The following TRAF5 variants were observed in gnomAD, a reference collection of about 807,000 sequenced individuals.
The protein encoded by TRAF5 is TNF receptor-associated factor 5.
TRAF5 carries 48 observed loss-of-function variants against 64.5 expected under a neutral mutation model. The ratio of observed to expected loss-of-function variants is 0.74; its 90% CI spans 0.59 to 0.95. The LOEUF is 0.95. Among genes scored for constraint, TRAF5 ranks in the 40% least tolerant of loss-of-function variants. The probability of loss-of-function intolerance (pLI) is 0.00; values close to 1 mark genes in which losing one functional copy is unlikely to be tolerated. For synonymous variants in TRAF5, 206 were observed against 240.5 expected, an observed-to-expected ratio of 0.86 and a Z score of 1.33; for missense variants, 545 against 662.8, an observed-to-expected ratio of 0.82 and a Z score of 1.95.
At chr1:211,365,727 G>A (rs1013270577) in intron 8 of TRAF5, among the ~76,000 whole-genome samples, 8 of 152,120 alleles carry the variant, frequency 5.3e-5, no homozygotes, top group African/African-American at 7.2e-5. Context: ...TGTTTTAATC[G>A]TAAGTAGCAT....
At chr1:211,345,295 A>G (rs190992144) in intron 1 of TRAF5, among the ~76,000 whole-genome samples, 2 of 152,108 alleles carry the variant, frequency 1.3e-5, no homozygotes, top group Non-Finnish European at 1.5e-5. Context: ...AGCTCAAGCA[A>G]TCTTCCTGCC....
At chr1:211,342,238 A>G (rs1190867655) in intron 1 of TRAF5, among the ~76,000 whole-genome samples, 1 of 152,220 alleles carries the variant, frequency 6.6e-6, no homozygotes, top group Non-Finnish European at 1.5e-5. Flanking sequence ...TGATGTATAT[A>G]GTATTGACGT....
Position 211,372,267 on chromosome 1 carries a change from C to G in TRAF5, c.1239C>G (p.Tyr413Ter). 2 of 1,614,096 alleles carry G rather than the reference C, an allele frequency of 1.2e-6. No individual in the cohort carries two copies. The highest frequency in any genetic ancestry group is 1.7e-6 in the Non-Finnish European group (2 of 1,180,026). Residue 413 changes from tyrosine to a stop codon, truncating the protein, a stop_gained, in exon 11 of 11, where the codon TAC becomes TAG. Transcript: ENST00000261464. LOFTEE classifies it high-confidence loss of function. ...NGKLIWKVTD[Y>*]KMKKREAVDG... ...AGCTCATTTGGAAGGTGACAGATTA[C>G]AAGATGAAGAAGAGAGAGGCGGTGG...
chr1:211,350,061 G>A (rs796676935), intron 1 of TRAF5, among the ~76,000 whole-genome samples: 2 of 152,224 alleles, frequency 1.3e-5, no homozygotes, highest in Admixed American at 6.5e-5. Context: ...TTCATCTTCA[G>A]AATTAAAACT....
intron 8 of TRAF5, 115 bp downstream of exon 8, chr1:211,365,583 G>C: frequency 1.2e-6 from 1 of 825,622 alleles, no homozygotes; most frequent in Non-Finnish European, 1.8e-6. Flanking sequence ...ATTAGAGGTA[G>C]ATGTTTTTCT....
intron 1 of TRAF5, among the ~76,000 whole-genome samples, chr1:211,337,363 A>G (rs147551983): frequency 1.2e-4 from 19 of 152,296 alleles, no homozygotes; most frequent in African/African-American, 4.6e-4. Context: ...CTGCTGTTCA[A>G]GAAGACGCAA....
At chr1:211,340,281 CTTGTTT>C (rs1029737958) in intron 1 of TRAF5, among the ~76,000 whole-genome samples, 9 of 152,160 alleles carry the variant, frequency 5.9e-5, no homozygotes, top group South Asian at 2.1e-4. Flanking sequence ...GCTCTTTGTA[CTTGTTT>C]TTGTTTTTGT....
rs555705916 is a variant in TRAF5, at chr1:211,372,061, T to C, written c.1100-67T>C. The C allele has an allele frequency of 6.4e-6, 9 of 1,407,436 alleles. No individual in the cohort carries two copies. The Admixed American group carries it at 1.6e-4, about 26-fold the overall frequency. 87.2% of individuals were successfully genotyped at this position (1,407,436 alleles called of 1,614,324 possible). ...CTCTTTCAGGTAACAAAATTCCACT[T>C]TGGGAAAATTTTAAAGATAACTTTT... On this transcript the variant is annotated intron_variant, in intron 10 of 10. Transcript: ENST00000261464.
upstream of TRAF5, chr1:211,326,825 C>T: frequency 2.0e-6 from 2 of 984,520 alleles, no homozygotes; most frequent in East Asian, 1.1e-4. The surrounding 1 kb of genome is among the most constrained non-coding windows in gnomAD (Gnocchi z 5.0). Context: ...CCGCCGCCGG[C>T]CGCAGCCAGG....
At chr1:211,350,441 C>T (rs1349795844) in intron 1 of TRAF5, among the ~76,000 whole-genome samples, 5 of 152,020 alleles carry the variant, frequency 3.3e-5, no homozygotes, top group African/African-American at 7.2e-5. Flanking sequence ...GGCTGGAGTA[C>T]GGAAAGCCAG....
chr1:211,336,773 C>T (rs1027814301), intron 1 of TRAF5, among the ~76,000 whole-genome samples: 1 of 152,224 alleles, frequency 6.6e-6, no homozygotes, highest in Non-Finnish European at 1.5e-5. Flanking sequence ...GATTCTTATG[C>T]CTCAGCCTCC....
rs543464373 is a variant in TRAF5 at position 211,333,566 on chromosome 1, C to T, written c.-2+6677C>T. Among the ~76,000 whole-genome samples, 13 of 152,118 alleles carry T rather than the reference C, an allele frequency of 8.5e-5. No homozygotes were observed. In the South Asian group the frequency reaches 1.5e-3, roughly 17 times the overall value. The stretch of plus-strand genomic sequence containing the variant: ...AGGCTGGAGTGCAGTGGTGCAATCT[C>T]GGGTCACTGCAACCTCCGCCTCCTG... On this transcript the variant is annotated intron_variant, in intron 1 of 10. Coordinates refer to ENST00000261464, the MANE Select transcript of TRAF5 (RefSeq NM_001033910.3).
chr1:211,361,199 A>G (rs756288732), intron 7 of TRAF5, 37 bp downstream of exon 7: 2 of 1,582,182 alleles, frequency 1.3e-6, no homozygotes, highest in Middle Eastern at 1.7e-4. Flanking sequence ...TATACATTCT[A>G]CTGTATAATT....
intron 1 of TRAF5, among the ~76,000 whole-genome samples, chr1:211,352,036 C>T (rs1702800554): frequency 6.6e-6 from 1 of 152,144 alleles, no homozygotes; most frequent in African/African-American, 2.4e-5. Context: ...ACAAAGATCA[C>T]TTGTGTCCAG....
At chr1:211,354,512 A>G in intron 3 of TRAF5, 45 bp downstream of exon 3, 1 of 1,589,000 alleles carries the variant, frequency 6.3e-7, no homozygotes, top group Non-Finnish European at 8.6e-7. Context: ...AGGGTGATGG[A>G]GAAGAAGTCA....
At chr1:211,345,522 G>T (rs1240593193) in intron 1 of TRAF5, among the ~76,000 whole-genome samples, 1 of 152,132 alleles carries the variant, frequency 6.6e-6, no homozygotes, top group African/African-American at 2.4e-5. Flanking sequence ...AGACCCGTTG[G>T]GTCACTGCAT....
chr1:211,370,367 A>G (rs1417364653), intron 9 of TRAF5, among the ~76,000 whole-genome samples: 2 of 130,934 alleles, frequency 1.5e-5, no homozygotes, highest in African/African-American at 5.7e-5. Flanking sequence ...TGGCCAGCAC[A>G]TTATACATTA....
chr1:211,359,867 C>T (rs1420712144), intron 4 of TRAF5, 45 bp from the exon 5 acceptor site: 1 of 1,610,228 alleles, frequency 6.2e-7, no homozygotes, highest in African/African-American at 1.3e-5. Context: ...TCTTTCCTAC[C>T]ACCCTGGTCA....
rs774171498 is a variant in TRAF5 at position 211,365,467 on chromosome 1, A to C, written c.788A>C (p.Gln263Pro). Residue 263 changes from glutamine (Q) to proline (P), a missense_variant and splice_region_variant, in exon 8 of 11, where the codon CAG (glutamine) becomes CCG (proline). By Grantham distance (76) the Gln-to-Pro change is moderately conservative. Coordinates refer to ENST00000261464, the MANE Select transcript of TRAF5 (RefSeq NM_001033910.3). ...VLEKNVQLEE[Q>P]ISDLHKSLEQ... ...GAAAAGAATGTCCAATTAGAAGAAC[A>C]GGTAAATCTTCAAAGGTTCAAATAA... is the stretch of plus-strand genomic sequence containing the variant. 2.5e-6 allele frequency: 4 copies of C among 1,611,262 alleles called. No homozygotes were observed. In the African/African-American group the frequency reaches 5.3e-5, roughly 22 times the overall value.
Sources: gnomAD v4.1 joint callset for allele counts (sites outside exome capture counted in the v4.1 genomes callset) on GRCh38, gnomAD v4.1.1 for gene constraint, Gnocchi (gnomAD v3.1) non-coding constraint, MANE v1.5 for transcripts, NCBI Gene and HGNC (gene_info 2026-07-23, HGNC 2026-07-21) for gene names.